The following SZRD1 variants were observed in gnomAD, a reference collection of about 807,000 sequenced individuals.
SZRD1 encodes SUZ RNA binding domain containing 1, also known as SUZ RNA-binding domain-containing.
SZRD1 carries 7 observed loss-of-function variants against 17.6 expected under a neutral mutation model. The observed-to-expected ratio is 0.40, with a 90% CI of 0.23 to 0.75. The LOEUF (loss-of-function observed/expected upper bound fraction) is 0.75. Ranked by LOEUF, SZRD1 falls within the 30% of genes least tolerant of loss-of-function variation. SZRD1 has a pLI of 0.38. For missense variants in SZRD1, 178 were observed against 201.8 expected, an observed-to-expected ratio of 0.88 and a Z score of 0.71; for synonymous variants, 77 against 77.9, an observed-to-expected ratio of 0.99 and a Z score of 0.06.
chr1:16,374,066 G>A (rs2082957028), intron 1 of SZRD1, among the ~76,000 whole-genome samples: 1 of 152,152 alleles, frequency 6.6e-6, no homozygotes, highest in South Asian at 2.1e-4. Flanking sequence ...AACAAAAAAA[G>A]GCTATGGGTA....
intron 1 of SZRD1, chr1:16,387,907 G>C (rs1385035190): frequency 5.7e-6 from 2 of 350,726 alleles, no homozygotes; most frequent in African/African-American, 4.3e-5. Flanking sequence ...AGAGTACGTA[G>C]TGGACATAGA....
chr1:16,372,395 C>T (rs374131295), intron 1 of SZRD1, among the ~76,000 whole-genome samples: 3 of 152,118 alleles, frequency 2.0e-5, no homozygotes, highest in African/African-American at 7.2e-5. Context: ...ATCTCTTGAA[C>T]CTGGGAGGCA....
At position 16,398,084 on chromosome 1, in the gene SZRD1, C is replaced by T. The variant is rs2085342941; in HGVS notation, c.*2944C>T. On this transcript the variant is annotated 3_prime_UTR_variant, in exon 4 of 4. Transcript: ENST00000401088. ...CCCACCCCACCCTGCACCGCGGGCT[C>T]CTGAGTCGGCAGATTAAGCATTTTA... 1.2e-6 allele frequency: 1 copy of T among 854,880 alleles called. No individual in the cohort carries two copies. Among genetic ancestry groups the T allele is most frequent in the Admixed American group, 6.2e-5 (1 of 16,174 alleles). The allele number at this position is 854,880 out of a possible 1,614,324, so 53.0% of individuals were successfully genotyped here.
intron 1 of SZRD1, among the ~76,000 whole-genome samples, chr1:16,372,151 C>T (rs1437223848): frequency 1.3e-5 from 2 of 151,318 alleles, no homozygotes; most frequent in African/African-American, 4.9e-5. Context: ...GACAGGGTTT[C>T]GTCCTATATC....
At chr1:16,380,747 C>T (rs1024559285) in intron 1 of SZRD1, among the ~76,000 whole-genome samples, 1 of 152,010 alleles carries the variant, frequency 6.6e-6, no homozygotes, top group Non-Finnish European at 1.5e-5. Flanking sequence ...GGATTACAGA[C>T]GTGAGCCACC....
At chr1:16,381,489 G>A (rs1355022782) in intron 1 of SZRD1, among the ~76,000 whole-genome samples, 3 of 151,396 alleles carry the variant, frequency 2.0e-5, no homozygotes, top group South Asian at 2.1e-4. Flanking sequence ...CCCCTGAGGT[G>A]GAGGTTGCAG....
chr1:16,398,020 G>A lies in SZRD1; in HGVS notation c.*2880G>A, dbSNP rs1557636524. The A allele has an allele frequency of 3.4e-6, 3 of 875,816 alleles. No individual in the cohort carries two copies. Among genetic ancestry groups the A allele is most frequent in the Non-Finnish European group, 4.1e-6 (3 of 730,274 alleles). 54.3% of individuals were successfully genotyped at this position (875,816 alleles called of 1,614,324 possible). Reference sequence around the variant, plus strand: ...GCATGGGAGGGAGGGCTGCACCCCTGCAGTCTTACTCTGCTGGTGTAGCGG... The same window carrying A: ...GCATGGGAGGGAGGGCTGCACCCCTACAGTCTTACTCTGCTGGTGTAGCGG... On this transcript the variant is annotated 3_prime_UTR_variant, in exon 4 of 4. Transcript: ENST00000401088.
intron 1 of SZRD1, among the ~76,000 whole-genome samples, chr1:16,378,324 C>T (rs1042753976): frequency 1.5e-5 from 2 of 134,120 alleles, no homozygotes; most frequent in Admixed American, 8.5e-5. Context: ...CTTGCTCTGT[C>T]GCCCAGGCTG....
At chr1:16,367,920 T>G (rs77239339) in intron 1 of SZRD1, 23 of 152,422 alleles carry the variant, frequency 1.5e-4, no homozygotes, top group African/African-American at 5.3e-4. Context: ...ACGGGGACTC[T>G]GCCAAAGCAA....
intron 1 of SZRD1, among the ~76,000 whole-genome samples, chr1:16,368,972 A>G (rs948082718): frequency 6.6e-6 from 1 of 152,218 alleles, no homozygotes; most frequent in African/African-American, 2.4e-5. Context: ...GTTTTTCAGA[A>G]TGGGTAAGTC....
In SZRD1 at chr1:16,395,043, C is replaced by A. The variant is rs1184051866; in HGVS notation, c.362C>A (p.Thr121Asn). ...TCTGCTTTTCTTCCTTTCAGGCCAA[C>A]CAGGATCTCCCAACCCGAAGACAGC... ...EQEKPILDRP[T>N]RISQPEDSRQ... The change falls in exon 4 of 4, where the codon ACC becomes AAC. Residue 121 changes from threonine to asparagine, a missense_variant. Thr to Asn is a moderately conservative substitution (Grantham distance 65, BLOSUM62 0). Coordinates refer to ENST00000401088, the MANE Select transcript of SZRD1 (RefSeq NM_001114600.3). 5.0e-6 allele frequency: 8 copies of A among 1,607,676 alleles called. No individual in the cohort carries two copies. In the Admixed American group the frequency reaches 1.0e-4, roughly 20 times the overall value.
intron 1 of SZRD1, chr1:16,387,184 A>G (rs2085139862): frequency 2.4e-6 from 1 of 412,738 alleles, no homozygotes; most frequent in Non-Finnish European, 4.8e-6. Flanking sequence ...ATCATGTTCT[A>G]GTTTGGGGAC....
rs186227550 is a variant in SZRD1, at chr1:16,390,326, A to G, written c.52-1049A>G. Among the ~76,000 whole-genome samples the G allele has an allele frequency of 5.2e-3, 794 of 152,246 alleles. 7 individuals are homozygous for G. Among genetic ancestry groups the G allele is most frequent in the African/African-American group, 0.018 (760 of 41,538 alleles). ...AGGTGTCATAGGCATGCTGGTGCTG[A>G]TGGGCTGAGGGCTCAGACTGCCATG... is the stretch of plus-strand genomic sequence containing the variant. On this transcript the variant is annotated intron_variant, in intron 1 of 3. Coordinates refer to ENST00000401088, the MANE Select transcript of SZRD1 (RefSeq NM_001114600.3).
intron 1 of SZRD1, 102 bp downstream of exon 1, chr1:16,367,410 C>G (rs1212798722): frequency 6.8e-6 from 8 of 1,180,650 alleles, no homozygotes; most frequent in Non-Finnish European, 9.5e-6. Context: ...AGGAAGGGCC[C>G]CATACGCCGG....
chr1:16,390,730 A>T (rs1035387021), intron 1 of SZRD1: 3 of 152,280 alleles, frequency 2.0e-5, no homozygotes, highest in Non-Finnish European at 4.4e-5. Flanking sequence ...GTTTATTCTG[A>T]GGACCAGGTG....
At position 16,368,953 on chromosome 1, in the gene SZRD1, C is replaced by T. The variant is rs2082866077; in HGVS notation, c.51+1645C>T. On this transcript the variant is annotated intron_variant, in intron 1 of 3. Transcript: ENST00000401088. ...GAATAGGATTCAGCAGAAATTGGGGCTTACTTTAGTTTTTCAGAATGGGTA... is the reference window on the plus strand; with the variant it reads ...GAATAGGATTCAGCAGAAATTGGGGTTTACTTTAGTTTTTCAGAATGGGTA... Among the ~76,000 whole-genome samples the T allele has an allele frequency of 1.3e-5, 2 of 152,132 alleles. 1 individual carries two copies. The highest frequency in any genetic ancestry group is 4.1e-4 in the South Asian group (2 of 4,832).
chr1:16,376,173 G>C (rs1217887281), intron 1 of SZRD1, among the ~76,000 whole-genome samples: 4 of 152,172 alleles, frequency 2.6e-5, no homozygotes, highest in African/African-American at 9.7e-5. Flanking sequence ...TGGCTGTTAG[G>C]CCTGAGCCCA....
rs554522947 is a variant in SZRD1, at chr1:16,391,566, G to A, written c.101+142G>A. 359 of 718,564 alleles carry A rather than the reference G, an allele frequency of 5.0e-4. 5 individuals carry two copies. In the South Asian group the frequency reaches 6.5e-3, roughly 13 times the overall value. 44.5% of individuals were successfully genotyped at this position (718,564 alleles called of 1,614,324 possible). A position where few individuals can be genotyped will look rare whatever the true frequency, so the allele number is the denominator to read the frequency against. ...GGCAGCAAACCCTTCCCTCCAAATTGGAGACCAGGACGTGGTGGCTTGAGG... is the reference window on the plus strand; with the variant it reads ...GGCAGCAAACCCTTCCCTCCAAATTAGAGACCAGGACGTGGTGGCTTGAGG... On this transcript the variant is annotated intron_variant, in intron 2 of 3. Transcript: ENST00000401088. This position sits in a 1 kb window ranked among gnomAD's most constrained non-coding sequence, Gnocchi z 4.3.
chr1:16,368,216 T>C (rs540377111), intron 1 of SZRD1, among the ~76,000 whole-genome samples: 1 of 152,010 alleles, frequency 6.6e-6, no homozygotes, highest in South Asian at 2.1e-4. Context: ...TATGGGGAGA[T>C]GCTTTTTTTG....
Sources: allele counts gnomAD v4.1 joint callset (sites outside exome capture counted in the v4.1 genomes callset), GRCh38; gene constraint gnomAD v4.1.1; non-coding constraint Gnocchi (gnomAD v3.1); transcripts MANE v1.5; gene names NCBI Gene and HGNC (gene_info 2026-07-23, HGNC 2026-07-21).